Variants in FSTL5 observed in about 807,000 individuals in gnomAD.
FSTL5 encodes the protein follistatin-related protein 5.
Under a neutral mutation model 89.1 loss-of-function variants are expected in FSTL5, and 62 were observed. The observed-to-expected ratio is 0.70, with a 90% CI of 0.57 to 0.86. The LOEUF is 0.86. Among genes scored for constraint, FSTL5 ranks in the 40% least tolerant of loss-of-function variants. FSTL5 has a pLI of 0.00. For missense variants in FSTL5, 1,057 were observed against 1,001.6 expected (o/e 1.06, Z -0.75); for synonymous variants, 383 against 346.2 (o/e 1.11, Z -1.18).
intron 13 of FSTL5, among the ~76,000 whole-genome samples, chr4:161,470,393 A>T (rs1263622913): frequency 6.6e-6 from 1 of 152,100 alleles, no homozygotes; most frequent in East Asian, 1.9e-4. Context: ...TATAAAAAAA[A>T]ATTGACTATA....
At chr4:161,828,556 C>G (rs1220001493) in intron 4 of FSTL5, among the ~76,000 whole-genome samples, 2 of 152,020 alleles carry the variant, frequency 1.3e-5, no homozygotes, top group East Asian at 3.9e-4. Flanking sequence ...AAGTGTTATA[C>G]TTGGGAAGAG....
chr4:161,562,114 T>C (rs1217872276), intron 8 of FSTL5, among the ~76,000 whole-genome samples: 1 of 152,024 alleles, frequency 6.6e-6, no homozygotes, highest in African/African-American at 2.4e-5. Flanking sequence ...CTCATGGTTT[T>C]GCAATTTTTC....
intron 8 of FSTL5, among the ~76,000 whole-genome samples, chr4:161,566,100 CTATATATATATATATATA>C (rs59511238): frequency 0.016 from 864 of 54,078 alleles, 31 homozygotes; most frequent in African/African-American, 0.059. Context: ...TTTTTTTGGA[CTATATATATATATATATA>C]TATATATATA....
At chr4:162,080,595 G>C (rs929901674) in intron 2 of FSTL5, among the ~76,000 whole-genome samples, 4 of 151,594 alleles carry the variant, frequency 2.6e-5, no homozygotes, top group Non-Finnish European at 4.4e-5. Flanking sequence ...TTTCCTTAAA[G>C]TTAGTTATAA....
intron 4 of FSTL5, among the ~76,000 whole-genome samples, chr4:161,836,152 T>C (rs1364890820): frequency 6.6e-6 from 1 of 151,638 alleles, no homozygotes; most frequent in Admixed American, 6.6e-5. Flanking sequence ...ATGTCCTTTG[T>C]AGGGACATGG....
At chr4:161,767,331 T>TA (rs1324359471) in intron 5 of FSTL5, among the ~76,000 whole-genome samples, 1 of 152,224 alleles carries the variant, frequency 6.6e-6, no homozygotes. Context: ...GTACTTACAA[T>TA]ACTTATGGGA....
intron 6 of FSTL5, among the ~76,000 whole-genome samples, chr4:161,754,752 C>T (rs890280023): frequency 1.3e-5 from 2 of 152,228 alleles, no homozygotes; most frequent in East Asian, 1.9e-4. Context: ...TTGAGCATCA[C>T]TTCTGAAGTT....
intron 2 of FSTL5, 21 bp from the exon 3 acceptor site, chr4:162,033,679 A>T (rs1737623280): frequency 1.4e-6 from 2 of 1,386,528 alleles, no homozygotes; most frequent in South Asian, 1.3e-5. Context: ...AACAGAAAAT[A>T]GGTCAAAATA....
rs543882294 is a variant in FSTL5 at position 161,743,998 on chromosome 4, T to G, written c.727+15413A>C. Among the ~76,000 whole-genome samples the G allele has an allele frequency of 5.1e-4, 77 of 152,328 alleles. 1 individual carries two copies. The highest frequency in any genetic ancestry group is 1.8e-3 in the African/African-American group (76 of 41,592). On this transcript the variant is annotated intron_variant, in intron 6 of 15. Transcript: ENST00000306100. ...CAATATGTGAGTTTACTTGCTAGAT[T>G]GCTGACAAGTTCAGAAACATTTAAT...
chr4:161,741,225 C>T (rs1352186701), intron 6 of FSTL5, among the ~76,000 whole-genome samples: 2 of 152,054 alleles, frequency 1.3e-5, no homozygotes, highest in South Asian at 2.1e-4. Context: ...ATTAAATTTA[C>T]CAGATAGAAT....
intron 13 of FSTL5, among the ~76,000 whole-genome samples, chr4:161,469,610 A>G (rs998877512): frequency 2.0e-5 from 3 of 150,328 alleles, no homozygotes; most frequent in Non-Finnish European, 3.0e-5. Flanking sequence ...AAAAATGTCT[A>G]TTGAAGTTCT....
intron 15 of FSTL5, among the ~76,000 whole-genome samples, chr4:161,389,080 T>C (rs142342047): frequency 1.1e-4 from 17 of 152,216 alleles, no homozygotes; most frequent in African/African-American, 3.1e-4. Context: ...TGCTGATTTA[T>C]TGATTAGGAA....
At chr4:161,749,396 A>G (rs1210922246) in intron 6 of FSTL5, among the ~76,000 whole-genome samples, 5 of 152,224 alleles carry the variant, frequency 3.3e-5, no homozygotes, top group Non-Finnish European at 7.3e-5. Flanking sequence ...ACATGGATGA[A>G]GTTGGATGCC....
chr4:161,792,989 C>A (rs920233330), intron 4 of FSTL5, among the ~76,000 whole-genome samples: 1 of 152,212 alleles, frequency 6.6e-6, no homozygotes, highest in Non-Finnish European at 1.5e-5. Flanking sequence ...CAAGCCAGGG[C>A]TGTGACACTC....
chr4:161,859,428 A>G (rs922254081), intron 4 of FSTL5, among the ~76,000 whole-genome samples: 1 of 152,216 alleles, frequency 6.6e-6, no homozygotes, highest in Non-Finnish European at 1.5e-5. Context: ...GTCTTTAGTG[A>G]ATTTTCCAGT....
At chr4:161,472,121 T>C (rs1029449341) in intron 13 of FSTL5, among the ~76,000 whole-genome samples, 3 of 151,796 alleles carry the variant, frequency 2.0e-5, no homozygotes, top group Admixed American at 6.6e-5. Context: ...GGACTACAGG[T>C]GCTGGCCACC....
intron 8 of FSTL5, among the ~76,000 whole-genome samples, chr4:161,558,489 A>G (rs1468530005): frequency 2.0e-5 from 3 of 151,914 alleles, no homozygotes; most frequent in Non-Finnish European, 4.4e-5. Flanking sequence ...TCAGTAGTAA[A>G]GACAAGTCTA....
chr4:161,874,245 T>C (rs953543158), intron 4 of FSTL5, among the ~76,000 whole-genome samples: 2 of 152,112 alleles, frequency 1.3e-5, no homozygotes, highest in African/African-American at 4.8e-5. Context: ...TTGACATTCT[T>C]AGCTCTCTTA....
intron 6 of FSTL5, among the ~76,000 whole-genome samples, chr4:161,757,453 A>G (rs1276798169): frequency 6.6e-6 from 1 of 151,946 alleles, no homozygotes; most frequent in Non-Finnish European, 1.5e-5. Context: ...CCTTGCCACC[A>G]TGAGTACACA....
Sources: gnomAD v4.1 joint callset for allele counts (sites outside exome capture counted in the v4.1 genomes callset) on GRCh38, gnomAD v4.1.1 for gene constraint, MANE v1.5 for transcripts, NCBI Gene and HGNC (gene_info 2026-07-23, HGNC 2026-07-21) for gene names.